MID1: variants seen among roughly 807,000 people sequenced by gnomAD.
The protein encoded by MID1 is E3 ubiquitin-protein ligase Midline-1.
Under a neutral mutation model 40.4 loss-of-function variants are expected in MID1, and 7 were observed. The observed-to-expected ratio is 0.17, with a 90% CI of 0.10 to 0.33. MID1 has a LOEUF of 0.33. MID1 is among the 10% of genes least tolerant of loss of function. MID1 has a pLI of 1.00. For missense variants in MID1, 367 were observed against 558.5 expected, an observed-to-expected ratio of 0.66 and a Z score of 3.46; for synonymous variants, 229 against 221.2, an observed-to-expected ratio of 1.04 and a Z score of -0.31.
chrX:10,703,346 C>T (rs1037389645), intron 1 of MID1, among the ~76,000 whole-genome samples: 1 of 112,234 alleles, frequency 8.9e-6, no homozygotes, highest in Non-Finnish European at 1.9e-5. Context: ...GAAGTAACTG[C>T]AAAATATAAG....
At chrX:10,538,317 C>G (rs560199258) in intron 2 of MID1, among the ~76,000 whole-genome samples, 1 of 111,545 alleles carries the variant, frequency 9.0e-6, no homozygotes, top group East Asian at 2.8e-4. Flanking sequence ...TGTCTTCTAT[C>G]TAATCACTCT....
chrX:10,710,492 A>T (rs996838658), intron 1 of MID1, among the ~76,000 whole-genome samples: 75 of 110,588 alleles, frequency 6.8e-4, no homozygotes, highest in African/African-American at 2.2e-3. Context: ...AAGTACATAT[A>T]TTATATATAT....
intron 2 of MID1, among the ~76,000 whole-genome samples, chrX:10,526,315 AAAGCC>A (rs1461483259): frequency 9.1e-6 from 1 of 109,971 alleles, no homozygotes; most frequent in African/African-American, 3.4e-5. Flanking sequence ...AACAACAACA[AAAGCC>A]AAAGTTTTTT....
intron 1 of MID1, among the ~76,000 whole-genome samples, chrX:10,570,855 T>C (rs1020598851): frequency 8.9e-6 from 1 of 112,408 alleles, no homozygotes; most frequent in African/African-American, 3.2e-5. Flanking sequence ...CATCTTATTT[T>C]GTTGAGCCAT....
At chrX:10,651,019 C>G (rs1936311264) in intron 1 of MID1, among the ~76,000 whole-genome samples, 1 of 111,517 alleles carries the variant, frequency 9.0e-6, no homozygotes, top group African/African-American at 3.3e-5. Flanking sequence ...AGAAAAGATC[C>G]CCCACATCTA....
rs1050619770 is a variant in MID1, at chrX:10,580,005, CA to C, written c.-56-12403del. On this transcript the variant is annotated intron_variant, in intron 1 of 9. Transcript: ENST00000317552. ...GGGAGCCTTCTCGGAGAAATTCAAGCAAAAATACTCTTAACAGATTTACATG... is the reference window on the plus strand; with the variant it reads ...GGGAGCCTTCTCGGAGAAATTCAAGCAAAATACTCTTAACAGATTTACATG... Among the ~76,000 whole-genome samples, 4 of 110,135 alleles carry C rather than the reference CA, an allele frequency of 3.6e-5. No individual in the cohort carries two copies. The Admixed American group carries it at 3.9e-4, about 11-fold the overall frequency.
chrX:10,501,483 T>C, intron 3 of MID1: 5 of 1,151,918 alleles, frequency 4.3e-6, no homozygotes, highest in Non-Finnish European at 5.7e-6. Context: ...CTGTAGGGAG[T>C]TGCTGACCCA....
intron 1 of MID1, among the ~76,000 whole-genome samples, chrX:10,756,672 A>G (rs1053695780): frequency 8.9e-6 from 1 of 112,076 alleles, no homozygotes; most frequent in African/African-American, 3.2e-5. Flanking sequence ...AAAGAACATG[A>G]AAAACAATGC....
rs771515674 is a variant in MID1, at chrX:10,469,819, C to G, written c.1163G>C (p.Arg388Thr). The G allele has an allele frequency of 5.0e-6, 6 of 1,209,265 alleles. No homozygotes were observed. In the African/African-American group the frequency reaches 1.1e-4, roughly 21 times the overall value. Reference protein sequence around the residue: ...YLTAPNPPTIREELCTASYDT... With the variant: ...YLTAPNPPTITEELCTASYDT... ...ATATGAAGCTGTGCAGAGCTCTTCT[C>G]TAATTGTGGGAGGGTTGGGAGCTGT... The change falls in exon 7 of 10, where the codon AGA becomes ACA. Residue 388 changes from arginine (R) to threonine (T), a missense_variant. Physicochemically the swap from Arg to Thr is moderately conservative, Grantham distance 71. Transcript: ENST00000317552.
At chrX:10,478,916 C>T (rs1323663536) in intron 5 of MID1, among the ~76,000 whole-genome samples, 1 of 111,637 alleles carries the variant, frequency 9.0e-6, no homozygotes, top group African/African-American at 3.3e-5. Flanking sequence ...GAGCCAAAGC[C>T]CAAGGCAGGC....
intron 1 of MID1, among the ~76,000 whole-genome samples, chrX:10,761,129 C>A (rs2043675060): frequency 9.0e-6 from 1 of 111,367 alleles, no homozygotes; most frequent in Non-Finnish European, 1.9e-5. Flanking sequence ...TCACTCAGAA[C>A]AACAGACAGC....
intron 1 of MID1, among the ~76,000 whole-genome samples, chrX:10,791,779 A>ATG (rs1044317938): frequency 9.0e-6 from 1 of 110,510 alleles, no homozygotes; most frequent in African/African-American, 3.3e-5. Context: ...GGTGGTATGC[A>ATG]TGTGTGTGTG....
chrX:10,600,871 A>T lies in MID1; in HGVS notation c.-57+19419T>A, dbSNP rs1030172745. Reference sequence around the variant, plus strand: ...AAGCATTGTTGATACTTTTTTTTTTAAATGTGGACTTAATGAATAACTTTG... The same window carrying T: ...AAGCATTGTTGATACTTTTTTTTTTTAATGTGGACTTAATGAATAACTTTG... On this transcript the variant is annotated intron_variant, in intron 1 of 9. Coordinates refer to ENST00000317552, the MANE Select transcript of MID1 (RefSeq NM_000381.4). Among the ~76,000 whole-genome samples, 4 of 111,404 alleles carry T rather than the reference A, an allele frequency of 3.6e-5. No homozygotes were observed. The Admixed American group carries it at 3.8e-4, about 11-fold the overall frequency.
chrX:10,522,424 T>C (rs1434656839), intron 3 of MID1, among the ~76,000 whole-genome samples: 1 of 112,385 alleles, frequency 8.9e-6, no homozygotes, highest in Non-Finnish European at 1.9e-5. Flanking sequence ...TCTCCAAAAC[T>C]GAGAGAATAA....
rs1001119249 is a variant in MID1 at position 10,777,438 on chromosome X, T to C, written c.-187+56116A>G. On this transcript the variant is annotated intron_variant, in intron 1 of 10. Coordinates refer to the MID1 transcript ENST00000380785. ...GGTCTCGATCTCCTGACCTCGTGAT[T>C]CGCCCGCCTCGGCCTCCCAAAGTGC... Among the ~76,000 whole-genome samples, 7 of 110,082 alleles carry C rather than the reference T, an allele frequency of 6.4e-5. No individual in the cohort carries two copies. In the East Asian group the frequency reaches 2.0e-3, roughly 32 times the overall value.
Position 10,761,481 on chromosome X carries a change from C to A in MID1, c.-187+72073G>T, listed in dbSNP as rs1333165047. 2.7e-5 allele frequency among the ~76,000 whole-genome samples: 3 copies of A among 112,167 alleles called. No homozygotes were observed. The East Asian group carries it at 8.4e-4, about 31-fold the overall frequency. On this transcript the variant is annotated intron_variant, in intron 1 of 10. Coordinates refer to the MID1 transcript ENST00000380785. ...GCCCTTTGCCACAGTACACTGTGGG[C>A]AGGGTGTACTTCTTTGCTCCTTGTC...
intron 8 of MID1, 35 bp from the exon 9 acceptor site, chrX:10,455,112 G>A (rs768489387): frequency 5.4e-6 from 6 of 1,105,129 alleles, no homozygotes; most frequent in Non-Finnish European, 7.5e-6. Flanking sequence ...AAAAGGAAGA[G>A]GAAGAGGATT....
At chrX:10,808,804 G>A (rs961029832) in intron 1 of MID1, among the ~76,000 whole-genome samples, 5 of 111,645 alleles carry the variant, frequency 4.5e-5, no homozygotes, top group African/African-American at 1.6e-4. Context: ...TTAAATGTAA[G>A]ACCTAAAACC....
chrX:10,546,653 A>G (rs961034971), intron 2 of MID1, among the ~76,000 whole-genome samples: 3 of 111,578 alleles, frequency 2.7e-5, no homozygotes, highest in African/African-American at 6.5e-5. Flanking sequence ...GTATTAACTC[A>G]TATCACTCAT....
Sources: gnomAD v4.1 joint callset for allele counts (sites outside exome capture counted in the v4.1 genomes callset) on GRCh38, gnomAD v4.1.1 for gene constraint, MANE v1.5 for transcripts, NCBI Gene and HGNC (gene_info 2026-07-23, HGNC 2026-07-21) for gene names.